WSCD2: variants seen among roughly 807,000 people sequenced by gnomAD.
WSCD2 encodes WSC domain sialate O sulfotransferase 2.
A neutral mutation model predicts 55.7 loss-of-function variants in WSCD2; 28 were observed. That is an observed-to-expected ratio of 0.50 (90% CI 0.37 to 0.69). WSCD2 has a LOEUF of 0.69. Among genes scored for constraint, WSCD2 ranks in the 30% least tolerant of loss-of-function variants. The pLI, the probability that WSCD2 is intolerant of heterozygous loss-of-function variation, is 0.00. For synonymous variants in WSCD2, 301 were observed against 301.9 expected (o/e 1.00, Z 0.03); for missense variants, 616 against 762.1 (o/e 0.81, Z 2.26).
chr12:108,157,761 C>T (rs1878668128), intron 1 of WSCD2, among the ~76,000 whole-genome samples: 1 of 152,150 alleles, frequency 6.6e-6, no homozygotes, highest in African/African-American at 2.4e-5. Context: ...AAGCAGCCTC[C>T]TCTCCCTTCC....
intron 5 of WSCD2, 28 bp downstream of exon 5, chr12:108,224,888 T>C: frequency 6.2e-7 from 1 of 1,607,858 alleles, no homozygotes; most frequent in Non-Finnish European, 8.5e-7. Context: ...CCCATGGAAC[T>C]CAGGGGGAGG....
intron 1 of WSCD2, among the ~76,000 whole-genome samples, chr12:108,139,940 C>A (rs752359177): frequency 6.6e-5 from 10 of 152,142 alleles, no homozygotes; most frequent in Non-Finnish European, 1.3e-4. Flanking sequence ...CAGCTGATCA[C>A]ACAACCTTGG....
chr12:108,132,824 G>A (rs531484194), intron 1 of WSCD2, among the ~76,000 whole-genome samples: 1 of 152,348 alleles, frequency 6.6e-6, no homozygotes, highest in South Asian at 2.1e-4. Flanking sequence ...CCATGTGAGT[G>A]TGAGTTTGTG....
intron 1 of WSCD2, among the ~76,000 whole-genome samples, chr12:108,160,083 T>C (rs1048856366): frequency 1.3e-5 from 2 of 151,968 alleles, no homozygotes; most frequent in African/African-American, 4.8e-5. Context: ...GGATGAGGGG[T>C]GTGGCTGCTT....
intron 1 of WSCD2, among the ~76,000 whole-genome samples, chr12:108,141,771 A>G (rs1407786917): frequency 2.6e-5 from 4 of 152,188 alleles, no homozygotes; most frequent in Non-Finnish European, 2.9e-5. Context: ...GAGCTGGTAT[A>G]TGATGAAACT....
intron 4 of WSCD2, among the ~76,000 whole-genome samples, chr12:108,212,279 A>C (rs886761370): frequency 2.2e-4 from 34 of 152,148 alleles, no homozygotes; most frequent in African/African-American, 8.2e-4. Flanking sequence ...TGTTATTTTG[A>C]TAGCAACATT....
At chr12:108,217,642 G>A (rs545970063) in intron 4 of WSCD2, among the ~76,000 whole-genome samples, 21 of 152,172 alleles carry the variant, frequency 1.4e-4, no homozygotes, top group East Asian at 3.9e-4. Flanking sequence ...ACTTCACACC[G>A]TTTCCCCACA....
intron 7 of WSCD2, among the ~76,000 whole-genome samples, chr12:108,240,016 T>G (rs955904844): frequency 2.6e-5 from 4 of 152,174 alleles, no homozygotes; most frequent in Non-Finnish European, 4.4e-5. Flanking sequence ...CCACTGTGCC[T>G]AGCTAGCACC....
At position 108,249,614 on chromosome 12, in the gene WSCD2, G is replaced by A. The variant is rs930198776; in HGVS notation, c.*1271G>A. ...CATTATGTAGATGAAAAAGCCATAGGTCATAGCCTCTTTGCTATTCTATTG... is the reference window on the plus strand; with the variant it reads ...CATTATGTAGATGAAAAAGCCATAGATCATAGCCTCTTTGCTATTCTATTG... On this transcript the variant is annotated 3_prime_UTR_variant, in exon 9 of 9. Coordinates refer to ENST00000547525, the MANE Select transcript of WSCD2 (RefSeq NM_014653.4). 2 of 152,606 alleles carry A rather than the reference G, an allele frequency of 1.3e-5. No individual in the cohort carries two copies. The highest frequency in any genetic ancestry group is 2.4e-5 in the African/African-American group (1 of 41,424). 9.5% of individuals were successfully genotyped at this position (152,606 alleles called of 1,614,324 possible). A position where few individuals can be genotyped will look rare whatever the true frequency, so the allele number is the denominator to read the frequency against.
intron 1 of WSCD2, among the ~76,000 whole-genome samples, chr12:108,143,639 A>G (rs2136889089): frequency 6.6e-6 from 1 of 152,216 alleles, no homozygotes; most frequent in Middle Eastern, 3.4e-3. Context: ...TGATGTTACA[A>G]TTGTGATTAT....
At chr12:108,232,016 A>G (rs1297973170) in intron 6 of WSCD2, among the ~76,000 whole-genome samples, 1 of 152,174 alleles carries the variant, frequency 6.6e-6, no homozygotes, top group Admixed American at 6.5e-5. Flanking sequence ...GAGGCAATGG[A>G]GAGGGAACAG....
At chr12:108,190,076 A>T (rs1463067333) in intron 1 of WSCD2, among the ~76,000 whole-genome samples, 1 of 152,228 alleles carries the variant, frequency 6.6e-6, no homozygotes, top group Non-Finnish European at 1.5e-5. Flanking sequence ...GATAAATTAT[A>T]TTACATCATC....
In WSCD2 at chr12:108,224,842, G is replaced by C. The variant is rs1314109148; in HGVS notation, c.786G>C (p.Val262=). 2 of 1,613,468 alleles carry C rather than the reference G, an allele frequency of 1.2e-6. No homozygotes were observed. Among genetic ancestry groups the C allele is most frequent in the Admixed American group, 3.3e-5 (2 of 60,008 alleles). Residue 262 remains valine, a synonymous_variant, in exon 5 of 9, where the codon GTG becomes GTC. Transcript: ENST00000547525. ...AMLNMSVDKC[V]DFCTEKEYPL... The stretch of plus-strand genomic sequence containing the variant: ...TGAACATGTCTGTGGACAAATGCGT[G>C]GACTTCTGCACTGAGAAGGTGAGCA...
intron 1 of WSCD2, among the ~76,000 whole-genome samples, chr12:108,155,199 T>C (rs1466155650): frequency 6.6e-6 from 1 of 152,162 alleles, no homozygotes; most frequent in East Asian, 1.9e-4. Flanking sequence ...CATATTAGTA[T>C]GTTGGAAGTG....
chr12:108,241,698 A>G (rs1184658017), intron 8 of WSCD2, among the ~76,000 whole-genome samples: 1 of 152,232 alleles, frequency 6.6e-6, no homozygotes, highest in Non-Finnish European at 1.5e-5. Flanking sequence ...GATAGATCTC[A>G]TGTTAAGTGT....
chr12:108,172,181 G>A (rs1234464334), intron 1 of WSCD2, among the ~76,000 whole-genome samples: 1 of 152,226 alleles, frequency 6.6e-6, no homozygotes, highest in Non-Finnish European at 1.5e-5. Context: ...GGGAATGGAT[G>A]ACCAGAGAGG....
At chr12:108,183,938 G>A (rs1882126700) in intron 1 of WSCD2, among the ~76,000 whole-genome samples, 6 of 152,182 alleles carry the variant, frequency 3.9e-5, no homozygotes, top group Admixed American at 3.9e-4. Context: ...CCTGGGGAGA[G>A]GCAATGGCAC....
At chr12:108,145,505 G>A (rs1877294142) in intron 1 of WSCD2, among the ~76,000 whole-genome samples, 1 of 152,200 alleles carries the variant, frequency 6.6e-6, no homozygotes, top group African/African-American at 2.4e-5. Context: ...AATAGACGGA[G>A]TTCAAAGAGG....
intron 1 of WSCD2, among the ~76,000 whole-genome samples, chr12:108,179,384 G>A (rs188598605): frequency 7.9e-4 from 121 of 152,322 alleles, no homozygotes; most frequent in Non-Finnish European, 1.4e-3. Flanking sequence ...GTAGCAATGA[G>A]TTGCCTGATT....
Sources: gnomAD v4.1 joint callset for allele counts (sites outside exome capture counted in the v4.1 genomes callset) on GRCh38, gnomAD v4.1.1 for gene constraint, MANE v1.5 for transcripts, NCBI Gene and HGNC (gene_info 2026-07-23, HGNC 2026-07-21) for gene names.